Variants in HERC3 observed in about 807,000 individuals in gnomAD.
HERC3 encodes HECT and RLD domain containing E3 ubiquitin protein ligase 3.
HERC3 carries 58 observed loss-of-function variants against 129.9 expected under a neutral mutation model. The ratio of observed to expected loss-of-function variants is 0.45; its 90% CI spans 0.36 to 0.56. The LOEUF is 0.56. Ranked by LOEUF, HERC3 falls within the 20% of genes least tolerant of loss-of-function variation. The pLI is 0.00. For synonymous variants in HERC3, 430 were observed against 451.0 expected (o/e 0.95, Z 0.59); for missense variants, 835 against 1,244.2 (o/e 0.67, Z 4.95).
chr4:88,705,794 A>AT (rs1181045400), intron 25 of HERC3, among the ~76,000 whole-genome samples: 1 of 152,240 alleles, frequency 6.6e-6, no homozygotes, highest in Non-Finnish European at 1.5e-5. Context: ...TTGCTTTATA[A>AT]GATGGAGCAT....
At chr4:88,637,221 C>T (rs557934405) in intron 3 of HERC3, among the ~76,000 whole-genome samples, 3 of 151,878 alleles carry the variant, frequency 2.0e-5, no homozygotes, top group South Asian at 2.1e-4. Context: ...GTCAGGAGAT[C>T]GAGACCATCC....
At chr4:88,614,522 A>G (rs1186435767) in intron 3 of HERC3, among the ~76,000 whole-genome samples, 1 of 152,184 alleles carries the variant, frequency 6.6e-6, no homozygotes, top group African/African-American at 2.4e-5. Flanking sequence ...AAATACAAAT[A>G]TGATCAAGGT....
Position 88,606,037 on chromosome 4 carries a change from G to A in HERC3, c.214G>A (p.Gly72Arg), listed in dbSNP as rs1578152031. Reference sequence around the variant, plus strand: ...GGGGCAACTGGGCCATGAGAGGGAAGGAAACAAGCCAGGTAAGTGCACCTT... The same window carrying A: ...GGGGCAACTGGGCCATGAGAGGGAAAGAAACAAGCCAGGTAAGTGCACCTT... ...TKGQLGHERE[G>R]NKPEQIGALA... The change falls in exon 3 of 26, where the codon GGA (glycine) becomes AGA (arginine). Residue 72 changes from glycine (G) to arginine (R), a missense_variant. Gly to Arg is a moderately radical substitution (Grantham distance 125). Transcript: ENST00000402738. 1.9e-6 allele frequency: 3 copies of A among 1,608,564 alleles called. No individual in the cohort carries two copies. Among genetic ancestry groups the A allele is most frequent in the Non-Finnish European group, 1.7e-6 (2 of 1,175,440 alleles).
chr4:88,577,234 G>A, the HERC3 span, among the ~76,000 whole-genome samples: 143 of 152,248 alleles, frequency 9.4e-4, no homozygotes, highest in African/African-American at 3.4e-3. Flanking sequence ...TGAAGTTTAG[G>A]CAAAGGTACT....
At chr4:88,621,614 A>G (rs1578184682) in intron 3 of HERC3, among the ~76,000 whole-genome samples, 2 of 152,262 alleles carry the variant, frequency 1.3e-5, no homozygotes, top group African/African-American at 2.4e-5. Context: ...GCTGTCAGGC[A>G]TTTGCTTGAT....
upstream of HERC3, among the ~76,000 whole-genome samples, chr4:88,590,387 C>G (rs1434626706): frequency 1.3e-5 from 2 of 152,068 alleles, no homozygotes; most frequent in African/African-American, 4.8e-5. Context: ...GGTGAAACCC[C>G]GTCTCTACTG....
chr4:88,596,567 G>A (rs966581894), intron 2 of HERC3, among the ~76,000 whole-genome samples: 3 of 152,220 alleles, frequency 2.0e-5, no homozygotes, highest in Admixed American at 1.3e-4. Context: ...GTTCCTTCAT[G>A]GAGAAACTCC....
intron 14 of HERC3, among the ~76,000 whole-genome samples, chr4:88,669,427 G>A (rs887520860): frequency 1.3e-5 from 2 of 152,160 alleles, no homozygotes; most frequent in East Asian, 3.8e-4. Context: ...GGAAGGGAAT[G>A]GTTGCCATAT....
chr4:88,549,628 C>G, the HERC3 span, among the ~76,000 whole-genome samples: 1 of 152,062 alleles, frequency 6.6e-6, no homozygotes, highest in African/African-American at 2.4e-5. Context: ...TCCATGTTGA[C>G]GCAAAGGACA....
At chr4:88,691,517 T>C (rs2860468) in intron 23 of HERC3, among the ~76,000 whole-genome samples, 38,981 of 152,206 alleles carry the variant, frequency 0.26, 7,701 homozygotes, top group African/African-American at 0.55. Flanking sequence ...TCTCGTTGTA[T>C]CCTAGCATGG....
intron 12 of HERC3, 120 bp downstream of exon 12, chr4:88,664,332 A>C: frequency 1.4e-6 from 1 of 717,204 alleles, no homozygotes; most frequent in Non-Finnish European, 2.4e-6. Flanking sequence ...TGCTGTGATC[A>C]TGCCTGTGAA....
At chr4:88,637,283 G>A (rs371648622) in intron 3 of HERC3, among the ~76,000 whole-genome samples, 3 of 151,392 alleles carry the variant, frequency 2.0e-5, no homozygotes, top group African/African-American at 4.9e-5. Flanking sequence ...AAAATTAGCC[G>A]GGCATGATGG....
At chr4:88,697,566 T>C in intron 23 of HERC3, 1 of 1,614,174 alleles carries the variant, frequency 6.2e-7, no homozygotes, top group Non-Finnish European at 8.5e-7. Flanking sequence ...TTTTCGGCTT[T>C]GGGGCATTCT....
the HERC3 span, among the ~76,000 whole-genome samples, chr4:88,528,738 CT>C: frequency 6.6e-6 from 1 of 152,188 alleles, no homozygotes; most frequent in African/African-American, 2.4e-5. Flanking sequence ...TCAATTTATT[CT>C]GTCTTTCCAC....
Position 88,667,938 on chromosome 4 carries a change from C to G in HERC3, c.1490C>G (p.Ser497Ter). 2.5e-6 allele frequency: 4 copies of G among 1,613,450 alleles called. No homozygotes were observed. Among genetic ancestry groups the G allele is most frequent in the Non-Finnish European group, 3.4e-6 (4 of 1,179,502 alleles). Residue 497 changes from serine (S) to a stop codon, truncating the protein, a stop_gained, in exon 14 of 26, where the codon TCA becomes TGA. Coordinates refer to ENST00000402738, the MANE Select transcript of HERC3 (RefSeq NM_014606.3). LOFTEE classifies it high-confidence loss of function. ...TGTCTGATTCCCCAGTTGTCAAGCTCACCACCAGATGTTGAAGCCATGAGA... is the reference window on the plus strand; with the variant it reads ...TGTCTGATTCCCCAGTTGTCAAGCTGACCACCAGATGTTGAAGCCATGAGA... ...ESCLIPQLSS[S>*]PPDVEAMRIY...
chr4:88,581,976 C>G, the HERC3 span, among the ~76,000 whole-genome samples: 1 of 152,114 alleles, frequency 6.6e-6, no homozygotes, highest in Non-Finnish European at 1.5e-5. Flanking sequence ...GTGGAATCAT[C>G]AAGAGTTGCC....
the HERC3 span, among the ~76,000 whole-genome samples, chr4:88,570,383 T>A: frequency 6.6e-6 from 1 of 152,232 alleles, no homozygotes; most frequent in Non-Finnish European, 1.5e-5. Flanking sequence ...ACAATCTTAG[T>A]CAGAGGTTTA....
At chr4:88,612,690 G>C (rs1724481503) in intron 3 of HERC3, among the ~76,000 whole-genome samples, 1 of 152,030 alleles carries the variant, frequency 6.6e-6, no homozygotes, top group Non-Finnish European at 1.5e-5. Context: ...AGTCATCATA[G>C]GGTTATTACT....
In HERC3 at chr4:88,708,396, T is replaced by G. The variant is rs1170150070; in HGVS notation, c.*1436T>G. 6.6e-6 allele frequency: 1 copy of G among 152,612 alleles called. No homozygotes were observed. Among genetic ancestry groups the G allele is most frequent in the Non-Finnish European group, 1.5e-5 (1 of 68,038 alleles). The allele number at this position is 152,612 out of a possible 1,614,324, so 9.5% of individuals were successfully genotyped here. ...TGCTTTTTCTTTTTGTTTTTAAAAC[T>G]TATTCCAATTGCTAAATTGGTAGTT... On this transcript the variant is annotated 3_prime_UTR_variant, in exon 26 of 26. Transcript: ENST00000402738.
Sources: allele counts gnomAD v4.1 joint callset (sites outside exome capture counted in the v4.1 genomes callset), GRCh38; gene constraint gnomAD v4.1.1; transcripts MANE v1.5; gene names NCBI Gene and HGNC (gene_info 2026-07-23, HGNC 2026-07-21).